Variants in BCAR1 observed in about 807,000 individuals in gnomAD.
BCAR1 encodes the protein BCAR1 scaffold protein, Cas family member.
In BCAR1, 30 loss-of-function variants were observed where a neutral mutation model predicts 67.6. The observed-to-expected ratio is 0.44, with a 90% CI of 0.33 to 0.60. The LOEUF (loss-of-function observed/expected upper bound fraction) is 0.60, where lower values mean the gene tolerates loss of function less well. BCAR1 is among the 20% of genes least tolerant of loss of function. BCAR1 has a pLI of 0.02. For missense variants in BCAR1, 1,313 were observed against 1,222.3 expected (o/e 1.07, Z -1.11); for synonymous variants, 626 against 556.7 (o/e 1.12, Z -1.75).
chr16:75,232,363 T>G (rs1011801143), intron 6 of BCAR1, among the ~76,000 whole-genome samples: 1 of 152,168 alleles, frequency 6.6e-6, no homozygotes, highest in African/African-American at 2.4e-5. Flanking sequence ...TTTTGCCATG[T>G]TGACCAGGCT....
At chr16:75,265,518 C>T (rs2077989034) in intron 1 of BCAR1, among the ~76,000 whole-genome samples, 1 of 151,720 alleles carries the variant, frequency 6.6e-6, no homozygotes, top group African/African-American at 2.4e-5. Flanking sequence ...GCCCAGCTGT[C>T]CCAGGGGTTT....
At chr16:75,265,931 C>T in intron 1 of BCAR1, 1 of 1,095,070 alleles carries the variant, frequency 9.1e-7, no homozygotes, top group Non-Finnish European at 1.1e-6. Context: ...CGAGGGGTCC[C>T]GGCGCTTTCC....
intron 2 of BCAR1, chr16:75,239,217 A>C (rs2077249606): frequency 9.8e-6 from 7 of 717,054 alleles, no homozygotes; most frequent in Non-Finnish European, 1.2e-5. Flanking sequence ...CTGAGACCCC[A>C]CTAGCAGGCC....
chr16:75,232,871 T>C (rs1466746942), intron 6 of BCAR1, among the ~76,000 whole-genome samples: 1 of 152,224 alleles, frequency 6.6e-6, no homozygotes, highest in Non-Finnish European at 1.5e-5. Flanking sequence ...ACCTCCTTGG[T>C]GCCCAGAAGG....
chr16:75,264,213 A>T, intron 1 of BCAR1: 1 of 1,353,270 alleles, frequency 7.4e-7, no homozygotes, highest in Non-Finnish European at 9.5e-7. Flanking sequence ...TCAGGGTGCC[A>T]TCCCAGACTC....
intron 1 of BCAR1, 121 bp downstream of exon 1, chr16:75,251,350 G>A: frequency 2.2e-6 from 3 of 1,343,928 alleles, no homozygotes; most frequent in South Asian, 2.8e-5. Context: ...CAGGGCCGCG[G>A]ACCCCGGCCG....
chr16:75,236,406 G>GCCGCTGCCACCTCATCACCA, intron 4 of BCAR1: 1 of 328,234 alleles, frequency 3.0e-6, no homozygotes, highest in East Asian at 6.7e-5. Flanking sequence ...CACCATCACC[G>GCCGCTGCCACCTCATCACCA]CCGCTGCCAC....
chr16:75,266,586 T>C, intron 1 of BCAR1: 1 of 568,514 alleles, frequency 1.8e-6, no homozygotes. Flanking sequence ...GCATCTACCA[T>C]GGTGCCCACA....
rs764482679 is a variant in BCAR1, at chr16:75,235,898, G to A, written c.1001C>T (p.Ala334Val). The A allele has an allele frequency of 5.8e-6, 9 of 1,563,240 alleles. No homozygotes were observed. In the South Asian group the frequency reaches 1.0e-4, roughly 18 times the overall value. The change falls in exon 5 of 7, where the codon GCC (alanine) becomes GTC (valine). Residue 334 changes from alanine (A) to valine (V), a missense_variant. Transcript: ENST00000162330. ...EETYDVPPAF[A>V]KAKPFDPART... ...GGCCGGGTCAAAGGGCTTGGCCTTG[G>A]CGAAGGCGGGGGGCACATCGTAGGT...
intron 6 of BCAR1, among the ~76,000 whole-genome samples, chr16:75,231,450 T>C (rs1265361561): frequency 1.3e-5 from 2 of 152,250 alleles, no homozygotes; most frequent in Non-Finnish European, 2.9e-5. Context: ...CCATACTTTA[T>C]TGAATCAATA....
intron 1 of BCAR1, among the ~76,000 whole-genome samples, chr16:75,261,940 C>T (rs1289213838): frequency 6.6e-6 from 1 of 152,174 alleles, no homozygotes; most frequent in Non-Finnish European, 1.5e-5. Context: ...ACTTAATCAC[C>T]CTCCTTCTAA....
intron 1 of BCAR1, chr16:75,263,554 G>A: frequency 1.0e-6 from 1 of 985,466 alleles, no homozygotes; most frequent in Non-Finnish European, 1.2e-6. Context: ...AAATGACAAG[G>A]TGACACCAGC....
At position 75,237,101 on chromosome 16, in the gene BCAR1, A is replaced by G. The variant is rs2077167882; in HGVS notation, c.795+82T>C. On this transcript the variant is annotated intron_variant, in intron 3 of 6. Coordinates refer to ENST00000162330, the MANE Select transcript of BCAR1 (RefSeq NM_014567.5). ...GTCCCCAGGCCTGGCCGGGGCTGAG[A>G]AGATGCAGCTCTCGGCCCAGGGCCA... The G allele has an allele frequency of 2.0e-6, 3 of 1,507,052 alleles. No homozygotes were observed. The Admixed American group carries it at 6.5e-5, about 33-fold the overall frequency. 93.4% of individuals were successfully genotyped at this position (1,507,052 alleles called of 1,614,324 possible).
chr16:75,254,546 T>A (rs1246561756), upstream of BCAR1, among the ~76,000 whole-genome samples: 1 of 152,140 alleles, frequency 6.6e-6, no homozygotes, highest in Non-Finnish European at 1.5e-5. Context: ...CACGCCTAAG[T>A]GCAGAGGCAC....
chr16:75,265,792 C>T, intron 1 of BCAR1: 1 of 1,197,612 alleles, frequency 8.3e-7, no homozygotes, highest in Non-Finnish European at 1.0e-6. Context: ...CGGGGGACAG[C>T]CGGCCCGGGG....
chr16:75,228,378 AG>A lies in BCAR1; in HGVS notation c.*1132del, dbSNP rs2076778043. On this transcript the variant is annotated 3_prime_UTR_variant, in exon 7 of 7. Transcript: ENST00000162330. ...GAAACCAAGGCCCATGTTCATATGC[AG>A]AACGGTCAGGGCTGGGAGCAGCACC... 6.6e-6 allele frequency: 1 copy of A among 152,174 alleles called. No individual in the cohort carries two copies. The highest frequency in any genetic ancestry group is 1.5e-5 in the Non-Finnish European group (1 of 68,044). The allele number at this position is 152,174 out of a possible 1,614,324, so 9.4% of individuals were successfully genotyped here.
At chr16:75,239,639 A>G (rs1203950867) in intron 2 of BCAR1, among the ~76,000 whole-genome samples, 1 of 152,136 alleles carries the variant, frequency 6.6e-6, no homozygotes, top group African/African-American at 2.4e-5. Flanking sequence ...GTCCCAATCC[A>G]GGAGCCTCGT....
At chr16:75,242,159 C>T (rs1032321922) in intron 2 of BCAR1, among the ~76,000 whole-genome samples, 4 of 152,196 alleles carry the variant, frequency 2.6e-5, no homozygotes, top group African/African-American at 9.7e-5. Flanking sequence ...CAGCAACTGC[C>T]GACCCCATGT....
upstream of BCAR1, among the ~76,000 whole-genome samples, chr16:75,254,219 GC>G (rs1298547645): frequency 6.6e-6 from 1 of 152,242 alleles, no homozygotes; most frequent in South Asian, 2.1e-4. Context: ...CTAGACCTCA[GC>G]CCACCCTGCA....
Sources: allele counts gnomAD v4.1 joint callset (sites outside exome capture counted in the v4.1 genomes callset), GRCh38; gene constraint gnomAD v4.1.1; transcripts MANE v1.5; gene names NCBI Gene and HGNC (gene_info 2026-07-23, HGNC 2026-07-21).